The following TAFA2 variants were observed in gnomAD, a reference collection of about 807,000 sequenced individuals.
The protein encoded by TAFA2 is TAFA chemokine like family member 2.
In TAFA2, 7 loss-of-function variants were observed where a neutral mutation model predicts 18.8. The ratio of observed to expected loss-of-function variants is 0.37; its 90% CI spans 0.21 to 0.70. TAFA2 has a LOEUF of 0.70. Among genes scored for constraint, TAFA2 ranks in the 30% least tolerant of loss-of-function variants. The pLI is 0.53. For missense variants in TAFA2, 122 were observed against 158.1 expected, an observed-to-expected ratio of 0.77 and a Z score of 1.23; for synonymous variants, 60 against 54.2, an observed-to-expected ratio of 1.11 and a Z score of -0.47.
chr12:61,736,764 C>T (rs750083958), intron 4 of TAFA2, among the ~76,000 whole-genome samples: 2 of 151,890 alleles, frequency 1.3e-5, no homozygotes, highest in Non-Finnish European at 2.9e-5. Flanking sequence ...TTACTTTTAA[C>T]AAATAACTCC....
chr12:61,940,089 GAGAAC>G (rs1423885452), intron 1 of TAFA2, among the ~76,000 whole-genome samples: 1 of 152,150 alleles, frequency 6.6e-6, no homozygotes, highest in African/African-American at 2.4e-5. Flanking sequence ...AAATATAACA[GAGAAC>G]AGAACAGAAA....
chr12:61,742,196 A>C (rs1223219647), intron 4 of TAFA2, among the ~76,000 whole-genome samples: 1 of 152,096 alleles, frequency 6.6e-6, no homozygotes, highest in Admixed American at 6.6e-5. Flanking sequence ...TGCCCAGCCC[A>C]TATTTATTCT....
intron 1 of TAFA2, among the ~76,000 whole-genome samples, chr12:62,248,396 G>A (rs1214120745): frequency 6.6e-6 from 1 of 152,242 alleles, no homozygotes; most frequent in African/African-American, 2.4e-5. Context: ...TGTGTTAAGG[G>A]ACAGAATTTT....
At chr12:61,958,965 C>A (rs1301888699) in intron 1 of TAFA2, among the ~76,000 whole-genome samples, 4 of 151,808 alleles carry the variant, frequency 2.6e-5, no homozygotes, top group Non-Finnish European at 1.5e-5. Context: ...CATTTTTATT[C>A]TTTTCCAGAA....
chr12:62,194,084 T>C (rs2062638388), upstream of TAFA2, among the ~76,000 whole-genome samples: 1 of 152,338 alleles, frequency 6.6e-6, no homozygotes, highest in African/African-American at 2.4e-5. Context: ...GCCATGTGAT[T>C]AAATATTTCA....
chr12:62,097,750 A>G (rs1265552660), intron 1 of TAFA2, among the ~76,000 whole-genome samples: 2 of 152,058 alleles, frequency 1.3e-5, no homozygotes, highest in Admixed American at 1.3e-4. Context: ...GTCACTTATG[A>G]CCCACTCTGA....
At chr12:62,144,169 T>C (rs921312424) in intron 1 of TAFA2, among the ~76,000 whole-genome samples, 2 of 152,078 alleles carry the variant, frequency 1.3e-5, no homozygotes, top group Non-Finnish European at 2.9e-5. Context: ...CCTCTTGTTC[T>C]TAAGTAAGAT....
intron 1 of TAFA2, among the ~76,000 whole-genome samples, chr12:62,004,501 T>C (rs938992781): frequency 2.6e-5 from 4 of 152,118 alleles, no homozygotes; most frequent in Admixed American, 2.6e-4. Flanking sequence ...GAGCTGAAAA[T>C]AGCTGCACTG....
chr12:62,190,971 G>A (rs929481900), intron 1 of TAFA2, among the ~76,000 whole-genome samples: 19 of 152,172 alleles, frequency 1.2e-4, no homozygotes, highest in Middle Eastern at 3.4e-3. Flanking sequence ...GAGAAATGGG[G>A]CAGAGAGGGA....
intron 1 of TAFA2, among the ~76,000 whole-genome samples, chr12:62,090,037 G>T (rs1868643465): frequency 6.6e-6 from 1 of 151,942 alleles, no homozygotes; most frequent in South Asian, 2.1e-4. Context: ...ATTCTCATAA[G>T]ACTGCCTGAA....
At chr12:61,781,593 TTGTGTG>T in intron 2 of TAFA2, among the ~76,000 whole-genome samples, 1 of 151,564 alleles carries the variant, frequency 6.6e-6, no homozygotes, top group Non-Finnish European at 1.5e-5. Context: ...GCATGTGTGT[TTGTGTG>T]TGTATGTGTG....
rs201020547 is a variant in TAFA2 at position 62,135,103 on chromosome 12, A to C, written c.-2+56156T>G. 2.0e-5 allele frequency among the ~76,000 whole-genome samples: 3 copies of C among 152,080 alleles called. No individual in the cohort carries two copies. The East Asian group carries it at 5.8e-4, about 29-fold the overall frequency. On this transcript the variant is annotated intron_variant, in intron 1 of 4. Coordinates refer to ENST00000416284, the MANE Select transcript of TAFA2 (RefSeq NM_178539.5). ...TCACAAGTACTATAATAATTACTAA[A>C]TTACCTCTTTTCCATGGTAAGCTCT...
chr12:62,251,392 G>C (rs2062913111), intron 1 of TAFA2, among the ~76,000 whole-genome samples: 1 of 152,308 alleles, frequency 6.6e-6, no homozygotes, highest in South Asian at 2.1e-4. Context: ...AAACAGAATT[G>C]AGAGGAAATA....
intron 1 of TAFA2, among the ~76,000 whole-genome samples, chr12:62,119,978 C>A (rs1870122767): frequency 6.6e-6 from 1 of 151,776 alleles, no homozygotes; most frequent in African/African-American, 2.4e-5. Flanking sequence ...GAGATTGAGG[C>A]AGGAGAATCA....
At chr12:61,819,254 T>A (rs939397036) in intron 2 of TAFA2, among the ~76,000 whole-genome samples, 5 of 152,204 alleles carry the variant, frequency 3.3e-5, no homozygotes, top group Non-Finnish European at 7.3e-5. Context: ...CAAAATCTGA[T>A]ACTTACTTCT....
intron 1 of TAFA2, among the ~76,000 whole-genome samples, chr12:62,213,756 C>T (rs546869160): frequency 6.6e-6 from 1 of 152,188 alleles, no homozygotes; most frequent in South Asian, 2.1e-4. Context: ...ATAATAAATA[C>T]TTATCATCCA....
intron 1 of TAFA2, among the ~76,000 whole-genome samples, chr12:62,031,068 G>A (rs1434990577): frequency 6.6e-6 from 1 of 152,104 alleles, no homozygotes; most frequent in Non-Finnish European, 1.5e-5. Context: ...TGTACCTAAA[G>A]CTCCATGGTA....
intron 1 of TAFA2, among the ~76,000 whole-genome samples, chr12:61,986,825 A>G (rs1459825174): frequency 1.3e-5 from 2 of 152,338 alleles, no homozygotes; most frequent in East Asian, 3.9e-4. Flanking sequence ...CAAATTTGAA[A>G]TAATTACATA....
At chr12:62,030,139 G>C (rs1225830567) in intron 1 of TAFA2, among the ~76,000 whole-genome samples, 2 of 152,130 alleles carry the variant, frequency 1.3e-5, no homozygotes, top group Non-Finnish European at 2.9e-5. Flanking sequence ...AGCTCAGAAA[G>C]GATCAAAGAC....
Sources: gnomAD v4.1 joint callset for allele counts (sites outside exome capture counted in the v4.1 genomes callset) on GRCh38, gnomAD v4.1.1 for gene constraint, MANE v1.5 for transcripts, NCBI Gene and HGNC (gene_info 2026-07-23, HGNC 2026-07-21) for gene names.